The following LRRC37A2 variants were observed in gnomAD, a reference collection of about 807,000 sequenced individuals.
The protein encoded by LRRC37A2 is leucine-rich repeat-containing protein 37A2.
Under a neutral mutation model 68.8 loss-of-function variants are expected in LRRC37A2, and 9 were observed. That is an observed-to-expected ratio of 0.13 (90% CI 0.08 to 0.23). The LOEUF (loss-of-function observed/expected upper bound fraction) is 0.23. Among genes scored for constraint, LRRC37A2 ranks in the 10% least tolerant of loss-of-function variants. LRRC37A2 has a pLI of 1.00. For missense variants in LRRC37A2, 168 were observed against 950.4 expected (o/e 0.18, Z 10.82); for synonymous variants, 63 against 367.6 (o/e 0.17, Z 9.48).
chr17:46,729,069 C>T, the LRRC37A2 span: 6 of 564,898 alleles, frequency 1.1e-5, no homozygotes, highest in Non-Finnish European at 1.8e-5. Context: ...GAAAGGTCGT[C>T]CAGTCTTGAC....
At chr17:46,932,026 C>A in the LRRC37A2 span, 2 of 1,606,386 alleles carry the variant, frequency 1.2e-6, 1 homozygote, top group Non-Finnish European at 1.7e-6. Context: ...TTCTGCTGCC[C>A]TGAGTTCCTG....
the LRRC37A2 span, among the ~76,000 whole-genome samples, chr17:47,030,119 A>C: frequency 7.7e-6 from 1 of 129,606 alleles, no homozygotes; most frequent in Non-Finnish European, 1.6e-5. Flanking sequence ...CATCATCATC[A>C]TCATCATCAT....
chr17:47,027,040 G>A, the LRRC37A2 span, among the ~76,000 whole-genome samples: 8 of 152,006 alleles, frequency 5.3e-5, no homozygotes, highest in Non-Finnish European at 1.0e-4. Context: ...CCTCCTGAGC[G>A]GCTAGGACTA....
At chr17:46,708,196 CG>C in the LRRC37A2 span, among the ~76,000 whole-genome samples, 2 of 152,058 alleles carry the variant, frequency 1.3e-5, no homozygotes, top group Non-Finnish European at 2.9e-5. Flanking sequence ...TTAGTTCTTT[CG>C]GGTATATACT....
chr17:46,784,829 G>A, the LRRC37A2 span, among the ~76,000 whole-genome samples: 2 of 147,624 alleles, frequency 1.4e-5, no homozygotes, highest in African/African-American at 5.0e-5. Context: ...AGGCTGGAGT[G>A]CAGTGGCGCG....
chr17:46,726,590 T>G, the LRRC37A2 span: 1 of 1,614,050 alleles, frequency 6.2e-7, no homozygotes, highest in Admixed American at 1.7e-5. Context: ...GTTGTGTGGT[T>G]GTGGATGACA....
the LRRC37A2 span, among the ~76,000 whole-genome samples, chr17:46,955,955 A>G: frequency 6.6e-6 from 1 of 152,106 alleles, no homozygotes; most frequent in African/African-American, 2.4e-5. Context: ...TCCTTATCCC[A>G]TTGGGATCCA....
chr17:46,835,473 A>T, the LRRC37A2 span, among the ~76,000 whole-genome samples: 3 of 152,042 alleles, frequency 2.0e-5, no homozygotes, highest in Non-Finnish European at 2.9e-5. Flanking sequence ...GGCCTCTCAA[A>T]GTGCTGGGAT....
rs1416889524 is a variant in LRRC37A2, at chr17:46,537,098, T to TA, written c.2907-3078_2907-3077insA. On this transcript the variant is annotated intron_variant, in intron 6 of 14. Transcript: ENST00000576629. ...GTCAATTTTTTTTTTTTTTTTTTTT[T>TA]TTTTTTTTGCTATTTTTTTTGGTAT... is the stretch of plus-strand genomic sequence containing the variant. 2.8e-4 allele frequency among the ~76,000 whole-genome samples: 19 copies of TA among 68,364 alleles called. 1 individual carries two copies. Among genetic ancestry groups the TA allele is most frequent in the African/African-American group, 1.4e-3 (19 of 13,662 alleles). The allele number at this position is 68,364 out of a possible 152,430, so 44.8% of individuals were successfully genotyped here.
chr17:46,762,357 C>G, the LRRC37A2 span: 8 of 151,878 alleles, frequency 5.3e-5, no homozygotes, highest in Admixed American at 5.3e-4. Flanking sequence ...ACCCACTGTC[C>G]GTGACATCTC....
the LRRC37A2 span, chr17:46,936,264 A>G: frequency 2.0e-6 from 2 of 985,382 alleles, no homozygotes; most frequent in African/African-American, 3.5e-5. Context: ...TCTCAGAAAA[A>G]CAGTAGAGGC....
chr17:46,835,438 C>G, the LRRC37A2 span, among the ~76,000 whole-genome samples: 2 of 152,286 alleles, frequency 1.3e-5, no homozygotes, highest in East Asian at 1.9e-4. Flanking sequence ...GTATCGATCT[C>G]CTGACCTCGT....
chr17:46,849,849 C>CTTTTTT, the LRRC37A2 span, among the ~76,000 whole-genome samples: 10 of 145,746 alleles, frequency 6.9e-5, no homozygotes, highest in African/African-American at 5.1e-5. Context: ...CATTTAATAT[C>CTTTTTT]TTTTTTTTTT....
chr17:46,830,913 C>A, the LRRC37A2 span: 13 of 396,724 alleles, frequency 3.3e-5, no homozygotes, highest in Non-Finnish European at 5.3e-5. Context: ...TTGCTAAGAT[C>A]CTTTTCTAAT....
At chr17:46,789,669 G>C in the LRRC37A2 span, among the ~76,000 whole-genome samples, 1 of 152,230 alleles carries the variant, frequency 6.6e-6, no homozygotes, top group Non-Finnish European at 1.5e-5. Context: ...TCAGAGCAGG[G>C]TTTGAACCCA....
chr17:46,522,442 T>TGTTA (rs1262308530), intron 4 of LRRC37A2, among the ~76,000 whole-genome samples: 7 of 126,880 alleles, frequency 5.5e-5, no homozygotes, highest in African/African-American at 1.8e-4. Flanking sequence ...GAGACTTGTT[T>TGTTA]GTTTGTTTGT....
At chr17:46,626,626 A>C in the LRRC37A2 span, 1 of 20,014 alleles carries the variant, frequency 5.0e-5, no homozygotes, top group East Asian at 1.1e-3. Context: ...TGTGATTGTG[A>C]GGACCTCTCC....
chr17:46,385,030 A>C, the LRRC37A2 span, among the ~76,000 whole-genome samples: 1 of 57,626 alleles, frequency 1.7e-5, no homozygotes, highest in African/African-American at 6.6e-5. Flanking sequence ...AAAATTGTGA[A>C]GTGTTTTTAG....
At chr17:46,856,554 G>A in the LRRC37A2 span, among the ~76,000 whole-genome samples, 4 of 150,186 alleles carry the variant, frequency 2.7e-5, no homozygotes, top group South Asian at 2.1e-4. Flanking sequence ...GTGCAATCTC[G>A]GCTCACTGCA....
Sources: gnomAD v4.1 joint callset for allele counts (sites outside exome capture counted in the v4.1 genomes callset) on GRCh38, gnomAD v4.1.1 for gene constraint, MANE v1.5 for transcripts, NCBI Gene and HGNC (gene_info 2026-07-23, HGNC 2026-07-21) for gene names.